The following ROBO1 variants were observed in gnomAD, a reference collection of about 807,000 sequenced individuals.
The protein encoded by ROBO1 is roundabout homolog 1.
A neutral mutation model predicts 195.9 loss-of-function variants in ROBO1; 149 were observed. The observed-to-expected ratio is 0.76, with a 90% CI of 0.67 to 0.87. ROBO1 has a LOEUF of 0.87. Ranked by LOEUF, ROBO1 falls within the 40% of genes least tolerant of loss-of-function variation. ROBO1 has a pLI of 0.00. For synonymous variants in ROBO1, 816 were observed against 733.2 expected, an observed-to-expected ratio of 1.11 and a Z score of -1.82; for missense variants, 1,933 against 2,068.3, an observed-to-expected ratio of 0.93 and a Z score of 1.27.
At chr3:79,153,722 A>C (rs1008469609) in intron 2 of ROBO1, among the ~76,000 whole-genome samples, 12 of 147,950 alleles carry the variant, frequency 8.1e-5, no homozygotes, top group Non-Finnish European at 1.3e-4. Flanking sequence ...ATTTATTTGA[A>C]TATATATTAA....
At chr3:79,523,433 AC>A (rs1559963116) in intron 2 of ROBO1, among the ~76,000 whole-genome samples, 1 of 151,436 alleles carries the variant, frequency 6.6e-6, no homozygotes, top group African/African-American at 2.4e-5. Context: ...AAAAAAGCCC[AC>A]AAAAAATAGA....
intron 2 of ROBO1, among the ~76,000 whole-genome samples, chr3:79,356,376 CAG>C (rs1553725726): frequency 6.6e-6 from 1 of 152,252 alleles, no homozygotes; most frequent in South Asian, 2.1e-4. Flanking sequence ...TTTATTTTAA[CAG>C]AGATGATACA....
intron 3 of ROBO1, among the ~76,000 whole-genome samples, chr3:79,061,629 C>T (rs1340576407): frequency 6.6e-6 from 1 of 152,124 alleles, no homozygotes; most frequent in Non-Finnish European, 1.5e-5. Context: ...AACCAAATAG[C>T]ATGGTACTGG....
chr3:79,239,082 C>G (rs2082465283), intron 2 of ROBO1, among the ~76,000 whole-genome samples: 1 of 152,174 alleles, frequency 6.6e-6, no homozygotes. Flanking sequence ...TTCCCACTCT[C>G]TCCTTAGTAC....
At chr3:78,913,288 A>G (rs868008258) in intron 4 of ROBO1, among the ~76,000 whole-genome samples, 1 of 152,128 alleles carries the variant, frequency 6.6e-6, no homozygotes, top group South Asian at 2.1e-4. Context: ...CAGTAGGGCT[A>G]ACCCAGCTAA....
chr3:79,672,124 A>T (rs1946651265), intron 1 of ROBO1, among the ~76,000 whole-genome samples: 1 of 151,978 alleles, frequency 6.6e-6, no homozygotes, highest in African/African-American at 2.4e-5. Flanking sequence ...GTGAGTTCAT[A>T]AAGCTATTTA....
intron 2 of ROBO1, among the ~76,000 whole-genome samples, chr3:79,190,833 T>G (rs1259866363): frequency 6.6e-6 from 1 of 151,674 alleles, no homozygotes; most frequent in African/African-American, 2.4e-5. Flanking sequence ...ATACCATTGT[T>G]TCTAGTGAAA....
Position 79,251,736 on chromosome 3 carries a change from C to T in ROBO1, c.89-126197G>A, listed in dbSNP as rs151257982. Among the ~76,000 whole-genome samples, 1,247 of 152,018 alleles carry T rather than the reference C, an allele frequency of 8.2e-3. 23 individuals carry two copies. The highest frequency in any genetic ancestry group is 0.029 in the African/African-American group (1,205 of 41,460). On this transcript the variant is annotated intron_variant, in intron 2 of 30. Coordinates refer to ENST00000464233, the MANE Select transcript of ROBO1 (RefSeq NM_002941.4). ...CTGCACTCCAGCCTGGGTGACAGAG[C>T]GATAATCTGCCTCAAACAAACAAAA... is the stretch of plus-strand genomic sequence containing the variant.
At chr3:79,650,174 A>G (rs993666398) in intron 1 of ROBO1, among the ~76,000 whole-genome samples, 1 of 151,990 alleles carries the variant, frequency 6.6e-6, no homozygotes, top group African/African-American at 2.4e-5. Flanking sequence ...AATAAAAACT[A>G]CAAATCTCTG....
chr3:79,493,700 T>A (rs1179680302), intron 2 of ROBO1, among the ~76,000 whole-genome samples: 2 of 152,106 alleles, frequency 1.3e-5, no homozygotes, highest in Non-Finnish European at 2.9e-5. Context: ...TTAAATTTTT[T>A]ATTTTTAATT....
chr3:78,647,581 C>A lies in ROBO1; in HGVS notation c.2839+48G>T, dbSNP rs541256711. Reference sequence around the variant, plus strand: ...AAAACAGAAACACAATAGTGGAACACATGCCAAACTAACAATGGAAAGGAG... The same window carrying A: ...AAAACAGAAACACAATAGTGGAACAAATGCCAAACTAACAATGGAAAGGAG... On this transcript the variant is annotated intron_variant, in intron 20 of 30. Transcript: ENST00000464233. 177 of 1,556,424 alleles carry A rather than the reference C, an allele frequency of 1.1e-4. 1 individual carries two copies. The South Asian group carries it at 1.9e-3, about 17-fold the overall frequency.
intron 4 of ROBO1, among the ~76,000 whole-genome samples, chr3:78,842,004 C>T (rs1330377814): frequency 6.6e-6 from 1 of 151,712 alleles, no homozygotes; most frequent in African/African-American, 2.4e-5. Flanking sequence ...TCCTGAACCA[C>T]TTCAGTTTGC....
At chr3:79,101,854 T>C (rs1319637158) in intron 3 of ROBO1, among the ~76,000 whole-genome samples, 1 of 151,916 alleles carries the variant, frequency 6.6e-6, no homozygotes, top group Non-Finnish European at 1.5e-5. Flanking sequence ...TGTGATGGGA[T>C]TTAATTTTAA....
intron 3 of ROBO1, among the ~76,000 whole-genome samples, chr3:78,944,712 G>A (rs904496250): frequency 6.6e-6 from 1 of 152,222 alleles, no homozygotes; most frequent in African/African-American, 2.4e-5. Context: ...ACCAGAGAGA[G>A]GCATTGCCTA....
intron 2 of ROBO1, among the ~76,000 whole-genome samples, chr3:79,502,392 C>G (rs536379707): frequency 1.3e-3 from 200 of 152,286 alleles, no homozygotes; most frequent in African/African-American, 4.6e-3. Context: ...GGGCTTAGCA[C>G]CTGGGCCAGC....
chr3:79,310,303 C>A (rs985580258), intron 2 of ROBO1, among the ~76,000 whole-genome samples: 5 of 152,158 alleles, frequency 3.3e-5, no homozygotes, highest in African/African-American at 7.2e-5. Context: ...TATGGAAGAA[C>A]CTTATTTATC....
At chr3:79,289,689 A>T (rs2032119533) in intron 2 of ROBO1, among the ~76,000 whole-genome samples, 1 of 152,190 alleles carries the variant, frequency 6.6e-6, no homozygotes, top group East Asian at 1.9e-4. Context: ...ACATTTTATG[A>T]AATACAAAAA....
At chr3:78,726,814 T>A (rs1270764968) in intron 5 of ROBO1, among the ~76,000 whole-genome samples, 1 of 152,154 alleles carries the variant, frequency 6.6e-6, no homozygotes. Context: ...CCCTAAGGAC[T>A]CCTTTCAACA....
chr3:79,311,942 C>A (rs1199383871), intron 2 of ROBO1, among the ~76,000 whole-genome samples: 4 of 152,060 alleles, frequency 2.6e-5, no homozygotes, highest in East Asian at 1.9e-4. Flanking sequence ...CATCCCAGAC[C>A]TTTTACCTTC....
Sources: allele counts gnomAD v4.1 joint callset (sites outside exome capture counted in the v4.1 genomes callset), GRCh38; gene constraint gnomAD v4.1.1; transcripts MANE v1.5; gene names NCBI Gene and HGNC (gene_info 2026-07-23, HGNC 2026-07-21).